Variants in FAM163A observed in about 807,000 individuals in gnomAD.
FAM163A encodes protein FAM163A.
In FAM163A, 7 loss-of-function variants were observed where a neutral mutation model predicts 12.0. The ratio of observed to expected loss-of-function variants is 0.58; its 90% confidence interval spans 0.33 to 1.10. FAM163A has a LOEUF of 1.10. Among genes scored for constraint, FAM163A ranks in the 50% least tolerant of loss-of-function variants. The pLI is 0.03. For missense variants in FAM163A, 202 were observed against 218.6 expected, an observed-to-expected ratio of 0.92 and a Z score of 0.48; for synonymous variants, 101 against 91.0, an observed-to-expected ratio of 1.11 and a Z score of -0.62.
intron 1 of FAM163A, among the ~76,000 whole-genome samples, chr1:179,745,688 A>G (rs1684369634): frequency 6.6e-6 from 1 of 152,190 alleles, no homozygotes; most frequent in African/African-American, 2.4e-5. Context: ...AGTACCTGCT[A>G]TGTGCCAGAC....
chr1:179,733,170 A>C, the FAM163A span, among the ~76,000 whole-genome samples: 1 of 152,164 alleles, frequency 6.6e-6, no homozygotes, highest in African/African-American at 2.4e-5. Context: ...CATCCCCCAC[A>C]TGTACAACCT....
intron 1 of FAM163A, among the ~76,000 whole-genome samples, chr1:179,754,283 G>C (rs148477955): frequency 5.4e-4 from 82 of 152,162 alleles, no homozygotes; most frequent in African/African-American, 1.9e-3. Flanking sequence ...AGTAATTTAA[G>C]AGCTCAATCT....
chr1:179,810,950 C>T (rs1416328933), intron 2 of FAM163A, among the ~76,000 whole-genome samples: 1 of 151,914 alleles, frequency 6.6e-6, no homozygotes, highest in African/African-American at 2.4e-5. Context: ...GGCTGAGGCA[C>T]GAGAATCACT....
chr1:179,808,302 C>CA (rs1409884670), intron 2 of FAM163A, among the ~76,000 whole-genome samples: 2 of 152,226 alleles, frequency 1.3e-5, no homozygotes, highest in Non-Finnish European at 2.9e-5. Context: ...TCTTTTGCTG[C>CA]GTCACAAACT....
chr1:179,741,497 C>T (rs1346781933), upstream of FAM163A, among the ~76,000 whole-genome samples: 4 of 152,220 alleles, frequency 2.6e-5, no homozygotes, highest in Admixed American at 1.3e-4. Flanking sequence ...TTAGCAATAG[C>T]ACTTGTAATA....
At chr1:179,811,723 G>A (rs554803146) in intron 2 of FAM163A, among the ~76,000 whole-genome samples, 18 of 152,324 alleles carry the variant, frequency 1.2e-4, no homozygotes, top group African/African-American at 4.1e-4. Flanking sequence ...ATAGCTTTGT[G>A]AGCACAGTGC....
At chr1:179,794,291 G>A (rs1691955083) in intron 1 of FAM163A, among the ~76,000 whole-genome samples, 1 of 152,240 alleles carries the variant, frequency 6.6e-6, no homozygotes, top group Non-Finnish European at 1.5e-5. Context: ...ACACTTCAGT[G>A]TCCAAAGAAA....
intron 1 of FAM163A, among the ~76,000 whole-genome samples, chr1:179,749,072 T>C (rs1211195917): frequency 6.6e-6 from 1 of 152,214 alleles, no homozygotes; most frequent in Non-Finnish European, 1.5e-5. Flanking sequence ...TGTGACTATT[T>C]CAGTGGGAAG....
intron 1 of FAM163A, among the ~76,000 whole-genome samples, chr1:179,805,460 G>T (rs114732121): frequency 0.01 from 1,591 of 152,180 alleles, 18 homozygotes; most frequent in African/African-American, 0.036. Context: ...GCTTTAACCT[G>T]GTGGGGCGGA....
the FAM163A span, among the ~76,000 whole-genome samples, chr1:179,735,337 A>C: frequency 6.6e-6 from 1 of 152,182 alleles, no homozygotes; most frequent in Admixed American, 6.5e-5. Context: ...CCCCAAGAAA[A>C]GGCAGAAATC....
chr1:179,786,238 G>A (rs746847885), intron 1 of FAM163A, among the ~76,000 whole-genome samples: 3 of 152,232 alleles, frequency 2.0e-5, no homozygotes, highest in Non-Finnish European at 4.4e-5. Context: ...CTAACCTGGA[G>A]TGGATGCTCC....
chr1:179,809,425 T>G (rs1694403593), intron 2 of FAM163A, among the ~76,000 whole-genome samples: 1 of 152,150 alleles, frequency 6.6e-6, no homozygotes, highest in African/African-American at 2.4e-5. Context: ...AGCTGAGCGT[T>G]TTGTTCATCT....
At chr1:179,738,482 C>T (rs887841802), upstream of FAM163A, among the ~76,000 whole-genome samples, 2 of 151,784 alleles carry the variant, frequency 1.3e-5, no homozygotes, top group African/African-American at 4.8e-5. Context: ...ATCTAAAAAC[C>T]AAGAATTTAG....
chr1:179,797,303 C>T (rs1200108633), intron 1 of FAM163A, among the ~76,000 whole-genome samples: 3 of 152,116 alleles, frequency 2.0e-5, no homozygotes, highest in Non-Finnish European at 2.9e-5. Flanking sequence ...AAAAAATTAG[C>T]TGAGCATGGT....
upstream of FAM163A, among the ~76,000 whole-genome samples, chr1:179,739,211 A>T (rs75632350): frequency 3.1e-5 from 2 of 63,858 alleles, no homozygotes; most frequent in East Asian, 2.7e-3. Context: ...CATGAAACAG[A>T]AAAAAAAAAA....
intron 1 of FAM163A, among the ~76,000 whole-genome samples, chr1:179,743,739 CGGTGCTCGCGCCTCGGGGCCGG>C (rs1338104505): frequency 1.3e-5 from 2 of 152,160 alleles, no homozygotes; most frequent in African/African-American, 2.4e-5. Context: ...CCGCGGGTGG[CGGTGCTCGCGCCTCGGGGCCGG>C]ACTTGCCGGG....
At chr1:179,784,135 G>A (rs1044931779) in intron 1 of FAM163A, among the ~76,000 whole-genome samples, 3 of 152,110 alleles carry the variant, frequency 2.0e-5, no homozygotes, top group Admixed American at 2.0e-4. Flanking sequence ...GAAGGCTAGG[G>A]TGCAATTCAG....
intron 1 of FAM163A, among the ~76,000 whole-genome samples, chr1:179,786,781 C>T (rs777446813): frequency 4.6e-5 from 7 of 152,204 alleles, no homozygotes; most frequent in Non-Finnish European, 7.3e-5. Flanking sequence ...TCCAAAGTGA[C>T]CTGTAACCTG....
intron 1 of FAM163A, among the ~76,000 whole-genome samples, chr1:179,797,956 G>A (rs1355317383): frequency 1.3e-5 from 2 of 152,094 alleles, no homozygotes; most frequent in Admixed American, 6.5e-5. Context: ...ATGGCCGGGC[G>A]CAGTGGCTCA....
Sources: gnomAD v4.1 joint callset for allele counts (sites outside exome capture counted in the v4.1 genomes callset) on GRCh38, gnomAD v4.1.1 for gene constraint, MANE v1.5 for transcripts, NCBI Gene and HGNC (gene_info 2026-07-23, HGNC 2026-07-21) for gene names.